The following ZNF891 variants were observed in gnomAD, a reference collection of about 807,000 sequenced individuals.
ZNF891 encodes the protein hCG1646157.
For missense variants in ZNF891, 589 were observed against 632.7 expected (o/e 0.93, Z 0.74); for synonymous variants, 199 against 209.0 (o/e 0.95, Z 0.41).
rs1055622946 is a variant in ZNF891 at position 133,114,953 on chromosome 12, T to C, written c.*5331A>G. 1.3e-5 allele frequency: 2 copies of C among 151,418 alleles called. No homozygotes were observed. Among genetic ancestry groups the C allele is most frequent in the Non-Finnish European group, 2.9e-5 (2 of 68,034 alleles). The allele number at this position is 151,418 out of a possible 1,614,324, so 9.4% of individuals were successfully genotyped here. A position where few individuals can be genotyped will look rare whatever the true frequency, so the allele number is the denominator to read the frequency against. On this transcript the variant is annotated 3_prime_UTR_variant, in exon 2 of 2. Transcript: ENST00000537226. ...GAGAACAGTTGATAGGAAAGCACAA[T>C]ATATAAACAATATTATTGATTGCAG...
Position 133,106,253 on chromosome 12 carries a change from A to G in ZNF891, c.*14031T>C, listed in dbSNP as rs562229137. 6.2e-7 allele frequency: 1 copy of G among 1,614,182 alleles called. No homozygotes were observed. The highest frequency in any genetic ancestry group is 1.7e-5 in the Admixed American group (1 of 60,022). ...TCGACATCAGAGCATCCATACAACC[A>G]AAACCCCGTATGAATGTAATGAATG... On this transcript the variant is annotated 3_prime_UTR_variant, in exon 2 of 2. Transcript: ENST00000537226.
rs1283267365 is a variant in ZNF891 at position 133,106,615 on chromosome 12, A to G, written c.*13669T>C. The G allele has an allele frequency of 1.9e-6, 3 of 1,604,510 alleles. No individual in the cohort carries two copies. Among genetic ancestry groups the G allele is most frequent in the Admixed American group, 1.7e-5 (1 of 58,116 alleles). On this transcript the variant is annotated 3_prime_UTR_variant, in exon 2 of 2. Transcript: ENST00000537226. ...ACAACCCCTATGAATATGAAAATTC[A>G]TTTAATTACCACTCATTCCTTACTG...
intron 1 of ZNF891, among the ~76,000 whole-genome samples, chr12:133,128,790 TC>T (rs900810057): frequency 7.8e-6 from 1 of 128,720 alleles, no homozygotes; most frequent in African/African-American, 2.8e-5. Context: ...AAACTCTGTC[TC>T]GAAAAAAAAA....
chr12:133,120,395 T>G lies in ZNF891; in HGVS notation c.1524A>C (p.Arg508Ser). Reference protein sequence around the residue: ...SVSSSLRRHVRIHTGEKPYEC... With the variant: ...SVSSSLRRHVSIHTGEKPYEC... ...CATAGGGTTTCTCTCCAGTGTGAAT[T>G]CTCACATGCCTCCTAAGGGAAGAGG... Residue 508 changes from arginine to serine, a missense_variant, in exon 2 of 2, where the codon AGA becomes AGC. Coordinates refer to ENST00000537226, the MANE Select transcript of ZNF891 (RefSeq NM_001277291.2). 6.3e-7 allele frequency: 1 copy of G among 1,598,416 alleles called. No individual in the cohort carries two copies. Among genetic ancestry groups the G allele is most frequent in the Non-Finnish European group, 8.5e-7 (1 of 1,173,112 alleles).
Position 133,106,487 on chromosome 12 carries a change from C to T in ZNF891, c.*13797G>A. On this transcript the variant is annotated 3_prime_UTR_variant, in exon 2 of 2. Transcript: ENST00000537226. ...CCGGAGCTTTTCCCTCATTCTACAT[C>T]AGAGAACTCATACTGGAGAGAAACC... 1.2e-6 allele frequency: 2 copies of T among 1,614,068 alleles called. No individual in the cohort carries two copies. Among genetic ancestry groups the T allele is most frequent in the South Asian group, 1.1e-5 (1 of 91,068 alleles).
chr12:133,129,230 G>T (rs984353025), intron 1 of ZNF891, among the ~76,000 whole-genome samples: 1 of 152,054 alleles, frequency 6.6e-6, no homozygotes, highest in African/African-American at 2.4e-5. Flanking sequence ...GGCCGGGTGC[G>T]GTGGCTCACG....
chr12:133,114,470 C>T lies in ZNF891; in HGVS notation c.*5814G>A, dbSNP rs1379812715. 1 of 152,194 alleles carries T rather than the reference C, an allele frequency of 6.6e-6. No homozygotes were observed. The highest frequency in any genetic ancestry group is 2.4e-5 in the African/African-American group (1 of 41,454). The allele number at this position is 152,194 out of a possible 1,614,324, so 9.4% of individuals were successfully genotyped here. On this transcript the variant is annotated 3_prime_UTR_variant, in exon 2 of 2. Transcript: ENST00000537226. Reference sequence around the variant, plus strand: ...TGCACCCACCTCCTTGCAACTTTTACCTTACAATCACTTAAATAGCTTTTA... The same window carrying T: ...TGCACCCACCTCCTTGCAACTTTTATCTTACAATCACTTAAATAGCTTTTA...
rs1041742838 is a variant in ZNF891 at position 133,121,091 on chromosome 12, G to A, written c.828C>T (p.Phe276=). The change falls in exon 2 of 2, where the codon TTC becomes TTT. Residue 276 remains phenylalanine (F), a synonymous_variant. Transcript: ENST00000537226. ...TAGGTACAGGAAACATATTATGTGT[G>A]AAGTGCATTCCATGTTTAGAATATG... ...EYTYSKHGMH[F]THNMFPVPNN... 6.5e-7 allele frequency: 1 copy of A among 1,535,524 alleles called. No individual in the cohort carries two copies. Among genetic ancestry groups the A allele is most frequent in the Non-Finnish European group, 8.7e-7 (1 of 1,146,780 alleles).
intron 1 of ZNF891, chr12:133,125,744 A>G (rs1171521139): frequency 1.2e-5 from 5 of 424,342 alleles, no homozygotes; most frequent in African/African-American, 2.0e-5. Flanking sequence ...AAGAGGATAG[A>G]AGGTAACACA....
chr12:133,105,408 G>T lies in ZNF891; in HGVS notation c.*14876C>A. ...CAGCTGTGAAAGCTGCTATTGATAA[G>T]ATTTTTTGAAACTTCATTCTGTTGC... On this transcript the variant is annotated 3_prime_UTR_variant, in exon 2 of 2. Transcript: ENST00000537226. The T allele has an allele frequency of 7.8e-7, 1 of 1,287,176 alleles. No homozygotes were observed. Among genetic ancestry groups the T allele is most frequent in the Non-Finnish European group, 1.0e-6 (1 of 956,252 alleles). The allele number at this position is 1,287,176 out of a possible 1,614,324, so 79.7% of individuals were successfully genotyped here. A position where few individuals can be genotyped will look rare whatever the true frequency, so the allele number is the denominator to read the frequency against.
chr12:133,110,277 AAG>A lies in ZNF891; in HGVS notation c.*10005_*10006del, dbSNP rs1430193116. On this transcript the variant is annotated 3_prime_UTR_variant, in exon 2 of 2. Coordinates refer to ENST00000537226, the MANE Select transcript of ZNF891 (RefSeq NM_001277291.2). ...TCTAGGAATATTGCAAAAGTAGTAA[AAG>A]TATTAATTTGGCTCTCATGATCTGG... 1.3e-5 allele frequency: 2 copies of A among 152,174 alleles called. No individual in the cohort carries two copies. The highest frequency in any genetic ancestry group is 4.8e-5 in the African/African-American group (2 of 41,444). 9.4% of individuals were successfully genotyped at this position (152,174 alleles called of 1,614,324 possible).
rs1199926285 is a variant in ZNF891, at chr12:133,115,499, A to G, written c.*4785T>C. The G allele has an allele frequency of 6.6e-6, 1 of 151,720 alleles. No homozygotes were observed. The highest frequency in any genetic ancestry group is 1.5e-5 in the Non-Finnish European group (1 of 67,970). The allele number at this position is 151,720 out of a possible 1,614,324, so 9.4% of individuals were successfully genotyped here. A position where few individuals can be genotyped will look rare whatever the true frequency, so the allele number is the denominator to read the frequency against. ...CTGACAGAATGCACATTCACCTACG[A>G]TATTAATTTTTTAAGGCAGTAGAAT... On this transcript the variant is annotated 3_prime_UTR_variant, in exon 2 of 2. Transcript: ENST00000537226.
chr12:133,120,905 G>A lies in ZNF891; in HGVS notation c.1014C>T (p.Tyr338=), dbSNP rs1279804399. 8 of 1,537,882 alleles carry A rather than the reference G, an allele frequency of 5.2e-6. No individual in the cohort carries two copies. The highest frequency in any genetic ancestry group is 7.0e-6 in the Non-Finnish European group (8 of 1,146,918). The part of the protein sequence containing the change: ...AFKRISNLTL[Y]KKSHMGEKQY... ...GTTTCTCACCCATGTGACTTTTCTT[G>A]TATAAAGTAAGATTAGAAATCCTTT... The change falls in exon 2 of 2, where the codon TAC becomes TAT. Residue 338 remains tyrosine (Y), a synonymous_variant. Coordinates refer to ENST00000537226, the MANE Select transcript of ZNF891 (RefSeq NM_001277291.2).
rs1248304290 is a variant in ZNF891, at chr12:133,111,451, G to C, written c.*8833C>G. On this transcript the variant is annotated 3_prime_UTR_variant, in exon 2 of 2. Transcript: ENST00000537226. ...GAAGGTTGAGGTGGCAGTGAGCTGAGATTGTGCCACTACACTCCAGTCTGG... is the reference window on the plus strand; with the variant it reads ...GAAGGTTGAGGTGGCAGTGAGCTGACATTGTGCCACTACACTCCAGTCTGG... The C allele has an allele frequency of 6.6e-6, 1 of 152,210 alleles. No homozygotes were observed. Among genetic ancestry groups the C allele is most frequent in the African/African-American group, 2.4e-5 (1 of 41,448 alleles). The allele number at this position is 152,210 out of a possible 1,614,324, so 9.4% of individuals were successfully genotyped here. A position where few individuals can be genotyped will look rare whatever the true frequency, so the allele number is the denominator to read the frequency against.
rs1239490759 is a variant in ZNF891, at chr12:133,106,678, A to C, written c.*13606T>G. ...TTTACACTGCAAAGAAAAACTATGA[A>C]TGTATGGAATTTTTTAAAAAGAAGT... On this transcript the variant is annotated 3_prime_UTR_variant, in exon 2 of 2. Transcript: ENST00000537226. The C allele has an allele frequency of 6.6e-7, 1 of 1,513,632 alleles. No individual in the cohort carries two copies. The highest frequency in any genetic ancestry group is 8.8e-7 in the Non-Finnish European group (1 of 1,136,670). The allele number at this position is 1,513,632 out of a possible 1,614,324, so 93.8% of individuals were successfully genotyped here. A position where few individuals can be genotyped will look rare whatever the true frequency, so the allele number is the denominator to read the frequency against.
In ZNF891 at chr12:133,121,951, G is replaced by A; in HGVS notation, c.-33C>T. 1 of 1,491,740 alleles carries A rather than the reference G, an allele frequency of 6.7e-7. No homozygotes were observed. The highest frequency in any genetic ancestry group is 8.9e-7 in the Non-Finnish European group (1 of 1,124,998). The allele number at this position is 1,491,740 out of a possible 1,614,324, so 92.4% of individuals were successfully genotyped here. A position where few individuals can be genotyped will look rare whatever the true frequency, so the allele number is the denominator to read the frequency against. On this transcript the variant is annotated 5_prime_UTR_variant, in exon 2 of 2. Transcript: ENST00000537226. ...GTACATAAGCCTGCACAGTAGAGTA[G>A]AGAGATCAGGATGTTTCTGTTCTTG...
At position 133,105,623 on chromosome 12, in the gene ZNF891, A is replaced by T; in HGVS notation, c.*14661T>A. 6.2e-7 allele frequency: 1 copy of T among 1,614,186 alleles called. No individual in the cohort carries two copies. Among genetic ancestry groups the T allele is most frequent in the Non-Finnish European group, 8.5e-7 (1 of 1,180,034 alleles). On this transcript the variant is annotated 3_prime_UTR_variant, in exon 2 of 2. Coordinates refer to ENST00000537226, the MANE Select transcript of ZNF891 (RefSeq NM_001277291.2). ...TCTAAGTCAAGGCCCTGTGTATTCC[A>T]GTTTTAAAGGAGGCTGGAAATGCAA... is the stretch of plus-strand genomic sequence containing the variant.
At chr12:133,124,679 G>A (rs560427364) in intron 1 of ZNF891, among the ~76,000 whole-genome samples, 1 of 149,152 alleles carries the variant, frequency 6.7e-6, no homozygotes, top group East Asian at 2.0e-4. Flanking sequence ...TATCTTCAAA[G>A]TACTAAAGGA....
In ZNF891 at chr12:133,106,739, C is replaced by T; in HGVS notation, c.*13545G>A. The T allele has an allele frequency of 8.0e-7, 1 of 1,243,900 alleles. No homozygotes were observed. Among genetic ancestry groups the T allele is most frequent in the South Asian group, 1.6e-5 (1 of 62,502 alleles). 77.1% of individuals were successfully genotyped at this position (1,243,900 alleles called of 1,614,324 possible). A position where few individuals can be genotyped will look rare whatever the true frequency, so the allele number is the denominator to read the frequency against. Reference sequence around the variant, plus strand: ...ACTTCAGAGAACTCTTGGAAAGAAGCCTTATGTGAAAGTGATGACTGTGAA... The same window carrying T: ...ACTTCAGAGAACTCTTGGAAAGAAGTCTTATGTGAAAGTGATGACTGTGAA... On this transcript the variant is annotated 3_prime_UTR_variant, in exon 2 of 2. Transcript: ENST00000537226.
Sources: allele counts gnomAD v4.1 joint callset (sites outside exome capture counted in the v4.1 genomes callset), GRCh38; gene constraint gnomAD v4.1.1; transcripts MANE v1.5; gene names NCBI Gene and HGNC (gene_info 2026-07-23, HGNC 2026-07-21).